NFATC3: variants seen among roughly 807,000 people sequenced by gnomAD.
NFATC3 encodes the protein nuclear factor of activated T cells 3, also known as nuclear factor of activated T-cells, cytoplasmic 3.
In NFATC3, 46 loss-of-function variants were observed where a neutral mutation model predicts 98.6. That is an observed-to-expected ratio of 0.47 (90% CI 0.37 to 0.60). The LOEUF is 0.60. Ranked by LOEUF, NFATC3 falls within the 20% of genes least tolerant of loss-of-function variation. The probability of loss-of-function intolerance (pLI) is 0.00; values close to 1 mark genes in which losing one functional copy is unlikely to be tolerated. For synonymous variants in NFATC3, 512 were observed against 472.2 expected (o/e 1.08, Z -1.09); for missense variants, 1,256 against 1,295.5 (o/e 0.97, Z 0.47).
intron 1 of NFATC3, among the ~76,000 whole-genome samples, chr16:68,094,364 A>T (rs765746050): frequency 4.4e-4 from 67 of 152,044 alleles, no homozygotes; most frequent in Non-Finnish European, 8.5e-4. Flanking sequence ...AATTTTAAAA[A>T]TGCTCAATAG....
At chr16:68,206,943 A>G (rs897684573) in intron 9 of NFATC3, among the ~76,000 whole-genome samples, 1 of 150,878 alleles carries the variant, frequency 6.6e-6, no homozygotes, top group Non-Finnish European at 1.5e-5. Flanking sequence ...AGATTGCACC[A>G]TGCACTCCAA....
chr16:68,174,789 A>G (rs2039611642), intron 6 of NFATC3, among the ~76,000 whole-genome samples: 1 of 152,214 alleles, frequency 6.6e-6, no homozygotes, highest in Non-Finnish European at 1.5e-5. Context: ...TCTAGGTTAC[A>G]GTGAGCTCTG....
intron 9 of NFATC3, among the ~76,000 whole-genome samples, chr16:68,203,250 T>G (rs2041004045): frequency 6.6e-6 from 1 of 152,230 alleles, no homozygotes; most frequent in Non-Finnish European, 1.5e-5. Context: ...AATGCGTCTG[T>G]GTATTTCCAT....
At chr16:68,199,084 T>G (rs1291139167) in intron 9 of NFATC3, among the ~76,000 whole-genome samples, 2 of 151,636 alleles carry the variant, frequency 1.3e-5, no homozygotes, top group Non-Finnish European at 2.9e-5. Flanking sequence ...ATCATGGTGA[T>G]GTGTGCCTAT....
At chr16:68,089,393 T>A in intron 1 of NFATC3, 2 of 703,888 alleles carry the variant, frequency 2.8e-6, no homozygotes, top group Non-Finnish European at 3.5e-6. Flanking sequence ...GAGATTTTTT[T>A]CCATTAAAGA....
chr16:68,183,863 C>T (rs909271756), intron 8 of NFATC3, among the ~76,000 whole-genome samples: 9 of 151,776 alleles, frequency 5.9e-5, no homozygotes, highest in Admixed American at 2.0e-4. Context: ...CAGAATTAGC[C>T]GGGTGTGGTG....
chr16:68,097,287 A>C (rs992155399), intron 1 of NFATC3, among the ~76,000 whole-genome samples: 1 of 152,244 alleles, frequency 6.6e-6, no homozygotes, highest in Non-Finnish European at 1.5e-5. Context: ...CATGAAGTGC[A>C]CAGTCTAGTA....
intron 1 of NFATC3, among the ~76,000 whole-genome samples, chr16:68,120,322 A>C (rs1362228302): frequency 6.7e-6 from 1 of 150,220 alleles, no homozygotes; most frequent in Non-Finnish European, 1.5e-5. Flanking sequence ...TCATGCTTGT[A>C]ATCCTGGCAC....
chr16:68,099,082 T>A (rs2035199798), intron 1 of NFATC3, among the ~76,000 whole-genome samples: 3 of 152,224 alleles, frequency 2.0e-5, no homozygotes, highest in African/African-American at 7.2e-5. Context: ...TGTGTTTATG[T>A]GTGTAGTTCT....
chr16:68,195,677 G>GGTCGCA (rs1356757254), intron 9 of NFATC3, among the ~76,000 whole-genome samples: 1 of 118,528 alleles, frequency 8.4e-6, no homozygotes, highest in Non-Finnish European at 1.9e-5. Flanking sequence ...GCGTGGTGGT[G>GGTCGCA]GTCGCCTGTA....
At chr16:68,221,434 A>C (rs1410569357) in intron 9 of NFATC3, 2 of 1,410,962 alleles carry the variant, frequency 1.4e-6, no homozygotes, top group Non-Finnish European at 9.2e-7. Context: ...CCTAAAATTT[A>C]TATTCAGTGC....
chr16:68,143,112 A>C (rs1432996490), intron 3 of NFATC3, among the ~76,000 whole-genome samples: 1 of 149,770 alleles, frequency 6.7e-6, no homozygotes, highest in Non-Finnish European at 1.5e-5. Context: ...GGTGGTACCC[A>C]CCTTGAGTCT....
intron 2 of NFATC3, among the ~76,000 whole-genome samples, chr16:68,124,881 A>G (rs1015660310): frequency 6.6e-6 from 1 of 152,004 alleles, no homozygotes; most frequent in Admixed American, 6.6e-5. Flanking sequence ...GGCACCTGCC[A>G]CCACGCCTGG....
rs549532018 is a variant in NFATC3, at chr16:68,224,545, G to A, written c.3107-1805G>A. 2.0e-3 allele frequency among the ~76,000 whole-genome samples: 289 copies of A among 145,424 alleles called. 1 individual carries two copies. The highest frequency in any genetic ancestry group is 3.1e-3 in the Non-Finnish European group (205 of 66,906). On this transcript the variant is annotated intron_variant, in intron 9 of 9. Coordinates refer to ENST00000346183, the MANE Select transcript of NFATC3 (RefSeq NM_173165.3). ...CCGCCTTGGCCTCCCAGAGTGCTGGGTTTATAGGCATGAGCCACCGCGCCT... is the reference window on the plus strand; with the variant it reads ...CCGCCTTGGCCTCCCAGAGTGCTGGATTTATAGGCATGAGCCACCGCGCCT...
intron 9 of NFATC3, chr16:68,224,935 T>C (rs1358303390): frequency 6.6e-6 from 1 of 152,148 alleles, no homozygotes; most frequent in African/African-American, 2.4e-5. Context: ...TACTAGTATC[T>C]ATTTTTATAT....
chr16:68,159,586 C>A (rs1424254026), intron 4 of NFATC3, among the ~76,000 whole-genome samples: 2 of 151,382 alleles, frequency 1.3e-5, no homozygotes, highest in Admixed American at 1.3e-4. Flanking sequence ...CCACGCCCGG[C>A]TAATTTTTTT....
intron 3 of NFATC3, among the ~76,000 whole-genome samples, chr16:68,154,949 A>T (rs2038531391): frequency 6.6e-6 from 1 of 152,224 alleles, no homozygotes; most frequent in East Asian, 1.9e-4. Flanking sequence ...TGACTCTTGG[A>T]TAGAGAATGG....
chr16:68,158,885 CTTATATGTAAGGAACACATGGTTATGT>C (rs2038747244), intron 4 of NFATC3, among the ~76,000 whole-genome samples: 1 of 152,172 alleles, frequency 6.6e-6, no homozygotes, highest in African/African-American at 2.4e-5. Flanking sequence ...ATTGATCATG[CTTATATGTAAGGAACACATGGTTATGT>C]TTACCAGAAC....
At chr16:68,123,438 A>G (rs557600427) in intron 2 of NFATC3, among the ~76,000 whole-genome samples, 1 of 148,898 alleles carries the variant, frequency 6.7e-6, no homozygotes, top group East Asian at 2.0e-4. Context: ...AGGCAGGAGG[A>G]TTGCTTGAGC....
Sources: gnomAD v4.1 joint callset for allele counts (sites outside exome capture counted in the v4.1 genomes callset) on GRCh38, gnomAD v4.1.1 for gene constraint, MANE v1.5 for transcripts, NCBI Gene and HGNC (gene_info 2026-07-23, HGNC 2026-07-21) for gene names.